The following TSPAN11 variants were observed in gnomAD, a reference collection of about 807,000 sequenced individuals.
The protein encoded by TSPAN11 is tetraspanin 11, also known as tetraspanin-11.
In TSPAN11, 29 loss-of-function variants were observed where a neutral mutation model predicts 32.9. The observed-to-expected ratio is 0.88, with a 90% CI of 0.66 to 1.20. TSPAN11 has a LOEUF of 1.20. TSPAN11 is among the 50% of genes most tolerant of loss of function. TSPAN11 has a pLI of 0.00. For synonymous variants in TSPAN11, 140 were observed against 141.3 expected (o/e 0.99, Z 0.07); for missense variants, 283 against 329.1 (o/e 0.86, Z 1.08).
chr12:30,976,195 G>A (rs16907089), intron 3 of TSPAN11, among the ~76,000 whole-genome samples: 12,174 of 152,146 alleles, frequency 0.08, 518 homozygotes, highest in African/African-American at 0.095. Context: ...GACAGGGACC[G>A]TACCCCTCAT....
intron 3 of TSPAN11, among the ~76,000 whole-genome samples, chr12:30,972,814 TGGG>T (rs907867001): frequency 1.7e-5 from 1 of 59,160 alleles, no homozygotes; most frequent in African/African-American, 6.4e-5. Flanking sequence ...AGGGGGGAGG[TGGG>T]GGGAGGGCCA....
At chr12:30,953,912 C>A in intron 1 of TSPAN11, 69 bp from the exon 2 acceptor site, 2 of 1,191,798 alleles carry the variant, frequency 1.7e-6, no homozygotes, top group Non-Finnish European at 2.4e-6. Flanking sequence ...TGCCAAGATG[C>A]TCTGGCTCTG....
At chr12:30,956,229 C>T (rs924406569) in intron 2 of TSPAN11, among the ~76,000 whole-genome samples, 11 of 152,210 alleles carry the variant, frequency 7.2e-5, no homozygotes, top group Non-Finnish European at 1.3e-4. Flanking sequence ...TCTCCAATAG[C>T]GCTGGCTTTA....
chr12:30,954,738 C>A (rs1429621284), intron 2 of TSPAN11: 1 of 152,370 alleles, frequency 6.6e-6, no homozygotes, highest in African/African-American at 2.4e-5. Flanking sequence ...AGAGTGCAGG[C>A]TTTGCAGGCA....
At chr12:30,937,573 T>G (rs552527838) in intron 1 of TSPAN11, among the ~76,000 whole-genome samples, 1 of 152,280 alleles carries the variant, frequency 6.6e-6, no homozygotes, top group Non-Finnish European at 1.5e-5. Context: ...GAAGCTTCTT[T>G]TTCTTTCATG....
intron 7 of TSPAN11, 81 bp downstream of exon 7, chr12:30,983,231 T>A: frequency 4.3e-6 from 6 of 1,385,740 alleles, no homozygotes; most frequent in Non-Finnish European, 5.9e-6. Flanking sequence ...AGTAACCACC[T>A]GGGCTGAAAT....
At chr12:30,969,910 G>C (rs554913655) in intron 3 of TSPAN11, among the ~76,000 whole-genome samples, 1 of 152,310 alleles carries the variant, frequency 6.6e-6, no homozygotes, top group African/African-American at 2.4e-5. Context: ...CATGCGGGCA[G>C]TTTAAATTTG....
downstream of TSPAN11, chr12:30,997,248 A>G (rs11051199): frequency 0.3 from 44,938 of 152,232 alleles, 8,018 homozygotes; most frequent in Non-Finnish European, 0.4. Context: ...AAAAGGAAGT[A>G]CATGTTTTTG....
In TSPAN11 at chr12:30,981,635, C is replaced by G. The variant is rs1009024423; in HGVS notation, c.457-897C>G. ...CCTGTGGATTGTTCCTGGCCCTGGA[C>G]AGAGCATTAACCCCTTCCTCCTCTG... is the stretch of plus-strand genomic sequence containing the variant. On this transcript the variant is annotated intron_variant, in intron 5 of 7. Transcript: ENST00000546076. Among the ~76,000 whole-genome samples, 3 of 152,202 alleles carry G rather than the reference C, an allele frequency of 2.0e-5. No homozygotes were observed. In the East Asian group the frequency reaches 5.8e-4, roughly 29 times the overall value.
At chr12:30,989,660 A>G (rs909009838) in intron 7 of TSPAN11, among the ~76,000 whole-genome samples, 4 of 152,266 alleles carry the variant, frequency 2.6e-5, no homozygotes, top group Non-Finnish European at 5.9e-5. Context: ...TCAGCTTGCA[A>G]GATGGTAACA....
chr12:31,013,799 A>G, the TSPAN11 span, among the ~76,000 whole-genome samples: 682 of 152,294 alleles, frequency 4.5e-3, 4 homozygotes, highest in Middle Eastern at 0.014. Context: ...TCTGGTCTTG[A>G]ACCAGGAATG....
rs1390826532 is a variant in TSPAN11, at chr12:30,994,646, C to G, written c.*2731C>G. ...GTTCTTGTCTTTCTCCCTCCTGCTT[C>G]CCCGGCACCCTAGCCCCATCTCCAG... On this transcript the variant is annotated 3_prime_UTR_variant, in exon 8 of 8. Transcript: ENST00000546076. 1 of 152,250 alleles carries G rather than the reference C, an allele frequency of 6.6e-6. No homozygotes were observed. The highest frequency in any genetic ancestry group is 1.5e-5 in the Non-Finnish European group (1 of 68,060). The allele number at this position is 152,250 out of a possible 1,614,324, so 9.4% of individuals were successfully genotyped here.
At chr12:30,967,117 AGCACCT>A (rs1938749339) in intron 3 of TSPAN11, among the ~76,000 whole-genome samples, 1 of 152,220 alleles carries the variant, frequency 6.6e-6, no homozygotes, top group African/African-American at 2.4e-5. Flanking sequence ...CCTAAGCTTT[AGCACCT>A]GACCACGCTG....
chr12:30,983,065 G>T lies in TSPAN11; in HGVS notation c.617G>T (p.Gly206Val). The stretch of plus-strand genomic sequence containing the variant: ...GCATCACCTGCCCTTCTCTTACAGG[G>T]AGGCTGCCTCACCAAGCTGGAGCAG... ...AHPSNIYKVE[G>V]GCLTKLEQFL... The change falls in exon 7 of 8, where the codon GGA becomes GTA. Residue 206 changes from glycine (G) to valine (V), a missense_variant and splice_region_variant. By Grantham distance (109) the Gly-to-Val change is moderately radical. Transcript: ENST00000546076. 6.2e-7 allele frequency: 1 copy of T among 1,612,460 alleles called. No individual in the cohort carries two copies. Among genetic ancestry groups the T allele is most frequent in the Non-Finnish European group, 8.5e-7 (1 of 1,179,950 alleles).
In TSPAN11 at chr12:30,995,500, G is replaced by A. The variant is rs1395816786; in HGVS notation, c.*3585G>A. 1.3e-5 allele frequency: 2 copies of A among 152,298 alleles called. No individual in the cohort carries two copies. Among genetic ancestry groups the A allele is most frequent in the African/African-American group, 4.8e-5 (2 of 41,438 alleles). The allele number at this position is 152,298 out of a possible 1,614,324, so 9.4% of individuals were successfully genotyped here. On this transcript the variant is annotated 3_prime_UTR_variant, in exon 8 of 8. Transcript: ENST00000546076. ...CCCAGCACGGCCCTGTGGGGTGTGG[G>A]GGGAATATGGTAGATCATTGTGATG... is the stretch of plus-strand genomic sequence containing the variant.
At chr12:30,971,300 G>T (rs552894915) in intron 3 of TSPAN11, among the ~76,000 whole-genome samples, 1 of 152,186 alleles carries the variant, frequency 6.6e-6, no homozygotes, top group Non-Finnish European at 1.5e-5. Flanking sequence ...GAGAAATTTT[G>T]AAATTCCAGT....
At chr12:30,986,159 C>T (rs1408047681) in intron 7 of TSPAN11, among the ~76,000 whole-genome samples, 1 of 152,232 alleles carries the variant, frequency 6.6e-6, no homozygotes, top group Non-Finnish European at 1.5e-5. Flanking sequence ...CATACCCAGC[C>T]TGGCACTTCC....
At chr12:30,969,817 G>A (rs1406297008) in intron 3 of TSPAN11, among the ~76,000 whole-genome samples, 1 of 152,166 alleles carries the variant, frequency 6.6e-6, no homozygotes, top group Non-Finnish European at 1.5e-5. Flanking sequence ...GAGAAGGGGA[G>A]GAGGGAAAAA....
rs1042987928 is a variant in TSPAN11 at position 30,975,335 on chromosome 12, C to T, written c.277-3226C>T. On this transcript the variant is annotated intron_variant, in intron 3 of 7. Coordinates refer to ENST00000546076, the MANE Select transcript of TSPAN11 (RefSeq NM_001370302.1). The surrounding 1 kb of genome is among the most constrained non-coding windows in gnomAD (Gnocchi z 4.5). ...CACACCTGTCCAGGTGAGTCACACA[C>T]CCGCAGCCTCCCTGCTGTGGAAGCT... 2.6e-5 allele frequency among the ~76,000 whole-genome samples: 4 copies of T among 152,056 alleles called. No individual in the cohort carries two copies. The highest frequency in any genetic ancestry group is 9.7e-5 in the African/African-American group (4 of 41,410).
Sources: gnomAD v4.1 joint callset for allele counts (sites outside exome capture counted in the v4.1 genomes callset) on GRCh38, gnomAD v4.1.1 for gene constraint, Gnocchi (gnomAD v3.1) non-coding constraint, MANE v1.5 for transcripts, NCBI Gene and HGNC (gene_info 2026-07-23, HGNC 2026-07-21) for gene names.